CDK14: variants seen among roughly 807,000 people sequenced by gnomAD.
CDK14 encodes cyclin dependent kinase 14, also known as cyclin-dependent kinase 14.
CDK14 carries 34 observed loss-of-function variants against 60.7 expected under a neutral mutation model. The ratio of observed to expected loss-of-function variants is 0.56; its 90% CI spans 0.43 to 0.75. The LOEUF (loss-of-function observed/expected upper bound fraction) is 0.75. Among genes scored for constraint, CDK14 ranks in the 30% least tolerant of loss-of-function variants. The pLI, the probability that CDK14 is intolerant of heterozygous loss-of-function variation, is 0.00. For synonymous variants in CDK14, 197 were observed against 203.7 expected, an observed-to-expected ratio of 0.97 and a Z score of 0.28; for missense variants, 482 against 564.1, an observed-to-expected ratio of 0.85 and a Z score of 1.47.
intron 9 of CDK14, among the ~76,000 whole-genome samples, chr7:90,975,519 T>C (rs1274737828): frequency 6.6e-6 from 1 of 151,456 alleles, no homozygotes; most frequent in Non-Finnish European, 1.5e-5. Flanking sequence ...TTTGAAACTA[T>C]ATAGTATAGT....
intron 12 of CDK14, among the ~76,000 whole-genome samples, chr7:91,097,904 A>G (rs1799042086): frequency 6.6e-6 from 1 of 152,138 alleles, no homozygotes; most frequent in Non-Finnish European, 1.5e-5. Flanking sequence ...CTGGCTGGCC[A>G]TGTCTTCTGT....
At chr7:91,169,468 G>A (rs2044113325) in intron 14 of CDK14, among the ~76,000 whole-genome samples, 1 of 152,030 alleles carries the variant, frequency 6.6e-6, no homozygotes, top group Non-Finnish European at 1.5e-5. Context: ...AAATTAAATT[G>A]TTTTTTTAAA....
In CDK14 at chr7:90,904,004, AC is replaced by A. The variant is rs1414878870; in HGVS notation, c.702+4652del. Among the ~76,000 whole-genome samples, 4 of 152,066 alleles carry A rather than the reference AC, an allele frequency of 2.6e-5. No individual in the cohort carries two copies. In the East Asian group the frequency reaches 5.8e-4, roughly 22 times the overall value. On this transcript the variant is annotated intron_variant, in intron 7 of 14. Transcript: ENST00000380050. ...ACTCCCCAGCCCTGGGGACATGTGTACTTGCCAGCAATCCTAGCCTCTTGTT... is the reference window on the plus strand; with the variant it reads ...ACTCCCCAGCCCTGGGGACATGTGTATTGCCAGCAATCCTAGCCTCTTGTT...
chr7:90,846,945 G>A (rs532632524), intron 5 of CDK14, among the ~76,000 whole-genome samples: 25 of 152,254 alleles, frequency 1.6e-4, no homozygotes, highest in African/African-American at 5.1e-4. Flanking sequence ...TCTCCTGTGT[G>A]GAGTAGAGGC....
intron 5 of CDK14, among the ~76,000 whole-genome samples, chr7:90,796,905 G>A (rs1455620051): frequency 6.6e-6 from 1 of 151,872 alleles, no homozygotes; most frequent in African/African-American, 2.4e-5. Context: ...TGAAAACAGA[G>A]TCAGTTACAA....
At chr7:90,793,721 T>G (rs199624063) in intron 5 of CDK14, among the ~76,000 whole-genome samples, 3 of 38 alleles carry the variant, frequency 0.079, no homozygotes, top group Non-Finnish European at 0.38. Context: ...TGAGAAACTC[T>G]TAATACAGAG....
intron 11 of CDK14, among the ~76,000 whole-genome samples, chr7:91,075,674 A>G (rs992938285): frequency 6.6e-6 from 1 of 152,240 alleles, no homozygotes; most frequent in Admixed American, 6.5e-5. Context: ...GAGGAAGTCA[A>G]ATTGCCTCTG....
chr7:90,725,588 A>G (rs191353981), intron 2 of CDK14, among the ~76,000 whole-genome samples: 352 of 152,270 alleles, frequency 2.3e-3, no homozygotes, highest in Non-Finnish European at 3.8e-3. Context: ...TTGATAGCAT[A>G]TAGGGATGTG....
chr7:90,985,158 C>T (rs941786211), intron 10 of CDK14, among the ~76,000 whole-genome samples: 14 of 152,112 alleles, frequency 9.2e-5, no homozygotes, highest in African/African-American at 3.4e-4. Flanking sequence ...TCCTGTAAAT[C>T]TAAAACTATT....
chr7:91,112,941 A>C (rs1168093026), intron 13 of CDK14, among the ~76,000 whole-genome samples: 13 of 151,970 alleles, frequency 8.6e-5, no homozygotes. Flanking sequence ...TTGCTAGCTT[A>C]CCAGACACAG....
At chr7:91,101,063 G>A (rs1225662074) in intron 12 of CDK14, among the ~76,000 whole-genome samples, 1 of 152,126 alleles carries the variant, frequency 6.6e-6, no homozygotes, top group African/African-American at 2.4e-5. Flanking sequence ...ATTTAGCATA[G>A]GACAGTGGAG....
chr7:91,024,888 A>T (rs1011880516), intron 10 of CDK14, among the ~76,000 whole-genome samples: 2 of 152,200 alleles, frequency 1.3e-5, no homozygotes, highest in Non-Finnish European at 1.5e-5. Flanking sequence ...CCCTCTTCAG[A>T]GCTACTCCCA....
intron 5 of CDK14, among the ~76,000 whole-genome samples, chr7:90,859,892 A>G (rs1312425969): frequency 6.6e-6 from 1 of 152,198 alleles, no homozygotes; most frequent in Non-Finnish European, 1.5e-5. Flanking sequence ...TTGATTAATA[A>G]ATGAATTACT....
chr7:91,201,852 C>A (rs1398347237), intron 14 of CDK14, among the ~76,000 whole-genome samples: 1 of 152,138 alleles, frequency 6.6e-6, no homozygotes, highest in South Asian at 2.1e-4. Context: ...CTTGCTTATG[C>A]CTCAAATCAG....
chr7:90,991,115 T>G (rs1246501783), intron 10 of CDK14, among the ~76,000 whole-genome samples: 1 of 152,126 alleles, frequency 6.6e-6, no homozygotes, highest in African/African-American at 2.4e-5. Context: ...GGGAATTAAG[T>G]GATCAACGAT....
rs528303851 is a variant in CDK14 at position 90,634,603 on chromosome 7, G to A, written c.123+30354G>A. ...TGCCTCAGTAAACATACGTGTGCAT[G>A]TGTCTTTATAGCAGCACGATTTATA... On this transcript the variant is annotated intron_variant, in intron 2 of 14. Coordinates refer to ENST00000380050, the MANE Select transcript of CDK14 (RefSeq NM_001287135.2). 5.9e-5 allele frequency among the ~76,000 whole-genome samples: 9 copies of A among 152,188 alleles called. 1 individual carries two copies. The South Asian group carries it at 1.9e-3, about 32-fold the overall frequency.
intron 2 of CDK14, among the ~76,000 whole-genome samples, chr7:90,675,521 C>T (rs571135820): frequency 1.2e-4 from 18 of 152,018 alleles, no homozygotes; most frequent in Admixed American, 3.3e-4. Context: ...GTTGATAGGA[C>T]GGAATGTGCT....
At chr7:91,060,805 C>T (rs1303500453) in intron 11 of CDK14, among the ~76,000 whole-genome samples, 9 of 152,104 alleles carry the variant, frequency 5.9e-5, no homozygotes, top group African/African-American at 1.9e-4. Flanking sequence ...GTGGGTAACC[C>T]GACCTTTCTC....
At chr7:90,890,984 C>T (rs1490030982) in intron 6 of CDK14, among the ~76,000 whole-genome samples, 1 of 152,098 alleles carries the variant, frequency 6.6e-6, no homozygotes, top group Admixed American at 6.5e-5. Context: ...TGCACTGTGT[C>T]TCAGACATGG....
Sources: allele counts gnomAD v4.1 joint callset (sites outside exome capture counted in the v4.1 genomes callset), GRCh38; gene constraint gnomAD v4.1.1; transcripts MANE v1.5; gene names NCBI Gene and HGNC (gene_info 2026-07-23, HGNC 2026-07-21).